The following C10orf67 variants were observed in gnomAD, a reference collection of about 807,000 sequenced individuals.
C10orf67 encodes chromosome 10 open reading frame 67.
In C10orf67, 60 loss-of-function variants were observed where a neutral mutation model predicts 35.6. That is an observed-to-expected ratio of 1.68 (90% confidence interval 1.37 to 2.09). The LOEUF (loss-of-function observed/expected upper bound fraction) is 2.09. Ranked by LOEUF, C10orf67 falls within the 30% of genes most tolerant of loss-of-function variation. The probability of loss-of-function intolerance (pLI) is 0.00; values close to 1 mark genes in which losing one functional copy is unlikely to be tolerated. For missense variants in C10orf67, 474 were observed against 330.2 expected, an observed-to-expected ratio of 1.44 and a Z score of -3.38; for synonymous variants, 167 against 115.8, an observed-to-expected ratio of 1.44 and a Z score of -2.84.
intron 7 of C10orf67, among the ~76,000 whole-genome samples, 184 bp downstream of exon 7, chr10:23,289,716 G>A (rs868433690): frequency 6.6e-5 from 10 of 152,154 alleles, no homozygotes; most frequent in Admixed American, 2.0e-4. Context: ...CTATACATCC[G>A]TGAGTTTTCA....
intron 13 of C10orf67, among the ~76,000 whole-genome samples, chr10:23,226,339 A>G (rs1454516181): frequency 1.3e-5 from 2 of 152,194 alleles, no homozygotes; most frequent in Non-Finnish European, 2.9e-5. Context: ...CTGGATGACT[A>G]CTGGGTACAT....
chr10:23,225,635 CAG>C (rs945057541), intron 13 of C10orf67, among the ~76,000 whole-genome samples: 4 of 152,056 alleles, frequency 2.6e-5, no homozygotes, highest in African/African-American at 9.7e-5. Context: ...ACCTCACGTG[CAG>C]AGACACACAT....
chr10:23,224,067 C>T (rs1234866533), intron 13 of C10orf67, among the ~76,000 whole-genome samples: 1 of 152,182 alleles, frequency 6.6e-6, no homozygotes, highest in Non-Finnish European at 1.5e-5. Flanking sequence ...ACTCTACTTC[C>T]TTTTGACTGT....
chr10:23,241,283 T>C (rs1172425214), intron 12 of C10orf67, among the ~76,000 whole-genome samples: 1 of 152,194 alleles, frequency 6.6e-6, no homozygotes, highest in Non-Finnish European at 1.5e-5. Flanking sequence ...CAAGTCTACA[T>C]ATGGAGAGAA....
intron 4 of C10orf67, among the ~76,000 whole-genome samples, chr10:23,311,840 A>G (rs565903067): frequency 1.3e-5 from 2 of 152,290 alleles, no homozygotes; most frequent in South Asian, 4.1e-4. Context: ...AAATTTCTAT[A>G]TTTTGGTGCC....
At chr10:23,337,564 A>G (rs2132408796) in intron 1 of C10orf67, among the ~76,000 whole-genome samples, 1 of 152,332 alleles carries the variant, frequency 6.6e-6, no homozygotes, top group Non-Finnish European at 1.5e-5. Context: ...AGGAGTCATC[A>G]TTGGTGACTA....
chr10:23,314,060 C>T (rs929155707), intron 4 of C10orf67, among the ~76,000 whole-genome samples: 6 of 152,124 alleles, frequency 3.9e-5, no homozygotes, highest in East Asian at 3.9e-4. Context: ...TGGTGGCTCA[C>T]GCCTATAATC....
chr10:23,289,455 C>T (rs1032258323), intron 7 of C10orf67, among the ~76,000 whole-genome samples: 12 of 152,124 alleles, frequency 7.9e-5, no homozygotes, highest in African/African-American at 1.2e-4. Flanking sequence ...TGAACCACTG[C>T]GCCCCACCTT....
chr10:23,326,110 G>C (rs1845183682), intron 2 of C10orf67, among the ~76,000 whole-genome samples: 1 of 152,046 alleles, frequency 6.6e-6, no homozygotes. Context: ...AAGTGGGGTG[G>C]AACAAATATT....
chr10:23,232,576 T>A (rs1841940894), intron 13 of C10orf67, among the ~76,000 whole-genome samples: 1 of 152,134 alleles, frequency 6.6e-6, no homozygotes, highest in South Asian at 2.1e-4. Flanking sequence ...GGGCTTAGAC[T>A]ATTGGATCAG....
intron 12 of C10orf67, among the ~76,000 whole-genome samples, chr10:23,248,020 T>C (rs1471272618): frequency 1.3e-5 from 2 of 152,160 alleles, no homozygotes; most frequent in African/African-American, 4.8e-5. Flanking sequence ...ATTTCTGATG[T>C]TTGCAGTCTC....
chr10:23,318,283 C>T (rs559425102), intron 4 of C10orf67: 1 of 152,356 alleles, frequency 6.6e-6, no homozygotes, highest in East Asian at 1.9e-4. Flanking sequence ...CATCTGGACG[C>T]TTCTCCACTC....
intron 13 of C10orf67, among the ~76,000 whole-genome samples, chr10:23,231,364 G>A (rs1424086644): frequency 6.6e-6 from 1 of 152,194 alleles, no homozygotes; most frequent in African/African-American, 2.4e-5. Context: ...TCTGGAGAAA[G>A]TCTAGAACCC....
chr10:23,344,055 C>A, intron 1 of C10orf67: 1 of 302,958 alleles, frequency 3.3e-6, no homozygotes, highest in Non-Finnish European at 7.1e-6. Flanking sequence ...GAGTCGGAGT[C>A]GGGAACCCGG....
chr10:23,276,208 T>G (rs1039673787), intron 8 of C10orf67, among the ~76,000 whole-genome samples: 2 of 152,128 alleles, frequency 1.3e-5, no homozygotes, highest in Admixed American at 6.6e-5. Flanking sequence ...CACTCCTCTT[T>G]TCTCTGAGGA....
chr10:23,284,090 C>T (rs889685175), intron 7 of C10orf67, among the ~76,000 whole-genome samples: 3 of 147,114 alleles, frequency 2.0e-5, no homozygotes, highest in African/African-American at 7.6e-5. Flanking sequence ...CATTTTCAAC[C>T]TGTTTTTAAG....
At chr10:23,246,830 T>C (rs569156307) in intron 12 of C10orf67, among the ~76,000 whole-genome samples, 5 of 152,284 alleles carry the variant, frequency 3.3e-5, no homozygotes, top group Middle Eastern at 3.4e-3. Context: ...GAAAAAATTA[T>C]ATAAGTATGT....
intron 10 of C10orf67, among the ~76,000 whole-genome samples, chr10:23,253,260 A>G (rs1414412490): frequency 6.6e-6 from 1 of 152,250 alleles, no homozygotes; most frequent in South Asian, 2.1e-4. Context: ...ATTCATCAGT[A>G]CGTGGGTTGA....
intron 5 of C10orf67, among the ~76,000 whole-genome samples, chr10:23,300,513 CT>C (rs1431080394): frequency 6.6e-6 from 1 of 152,156 alleles, no homozygotes; most frequent in Non-Finnish European, 1.5e-5. Flanking sequence ...TTTCTAATGT[CT>C]GCAGCTGACT....
Sources: allele counts gnomAD v4.1 joint callset (sites outside exome capture counted in the v4.1 genomes callset), GRCh38; gene constraint gnomAD v4.1.1; transcripts MANE v1.5; gene names NCBI Gene and HGNC (gene_info 2026-07-23, HGNC 2026-07-21).